Variants in KDM4C observed in about 807,000 individuals in gnomAD.
The protein encoded by KDM4C is lysine-specific demethylase 4C.
In KDM4C, 81 loss-of-function variants were observed where a neutral mutation model predicts 129.3. That is an observed-to-expected ratio of 0.63 (90% CI 0.52 to 0.75). KDM4C has a LOEUF of 0.75. Ranked by LOEUF, KDM4C falls within the 30% of genes least tolerant of loss-of-function variation. KDM4C has a pLI of 0.00. For missense variants in KDM4C, 1,457 were observed against 1,304.0 expected (o/e 1.12, Z -1.81); for synonymous variants, 573 against 456.1 (o/e 1.26, Z -3.26).
intron 8 of KDM4C, among the ~76,000 whole-genome samples, chr9:6,956,959 C>G (rs1306739252): frequency 6.6e-6 from 1 of 152,140 alleles, no homozygotes. Context: ...GAAATAGTGT[C>G]TTACTGGTCA....
At chr9:6,918,390 A>G (rs1196886674) in intron 8 of KDM4C, among the ~76,000 whole-genome samples, 1 of 152,302 alleles carries the variant, frequency 6.6e-6, no homozygotes, top group Middle Eastern at 3.4e-3. Context: ...CATGACGTGT[A>G]TGTACCATAT....
At chr9:6,947,608 A>G (rs181597120) in intron 8 of KDM4C, among the ~76,000 whole-genome samples, 102 of 152,218 alleles carry the variant, frequency 6.7e-4, no homozygotes, top group Non-Finnish European at 1.2e-3. Context: ...TTTTCATTGT[A>G]TGGTATGAGG....
chr9:6,849,737 T>C (rs748325939), intron 5 of KDM4C, 37 bp downstream of exon 5: 9 of 1,481,076 alleles, frequency 6.1e-6, no homozygotes, highest in Non-Finnish European at 8.2e-6. Flanking sequence ...ACTTTGGAGT[T>C]TTGAAATTTG....
chr9:6,750,843 C>G (rs1275617335), intron 1 of KDM4C, among the ~76,000 whole-genome samples: 1 of 152,168 alleles, frequency 6.6e-6, no homozygotes, highest in Admixed American at 6.6e-5. Context: ...GGTTAGCTGA[C>G]AGTTAACTGC....
chr9:7,053,893 A>C (rs1830537311), intron 17 of KDM4C, among the ~76,000 whole-genome samples: 1 of 152,268 alleles, frequency 6.6e-6, no homozygotes, highest in Admixed American at 6.5e-5. Context: ...AGAAATGAAA[A>C]GTTAGCTGAA....
intron 8 of KDM4C, among the ~76,000 whole-genome samples, chr9:6,939,976 A>ACCTTCCTTCCTTCCTTCCTTCCTTCCTT (rs1186438155): frequency 3.2e-5 from 3 of 93,478 alleles, no homozygotes; most frequent in Non-Finnish European, 4.5e-5. Context: ...CTACCTACCT[A>ACCTTCCTTCCTTCCTTCCTTCCTTCCTT]CCTTCCTTCC....
At chr9:6,760,775 T>C (rs1819310126) in intron 1 of KDM4C, among the ~76,000 whole-genome samples, 1 of 151,412 alleles carries the variant, frequency 6.6e-6, no homozygotes, top group African/African-American at 2.4e-5. Context: ...GGTTTCACTG[T>C]GTTAGCCAGG....
intron 18 of KDM4C, among the ~76,000 whole-genome samples, chr9:7,127,043 G>GGATT (rs1389765497): frequency 2.6e-5 from 4 of 152,070 alleles, no homozygotes; most frequent in Admixed American, 2.6e-4. Context: ...ATGGATGGAT[G>GGATT]GATTGATGGA....
intron 17 of KDM4C, among the ~76,000 whole-genome samples, chr9:7,060,292 G>A (rs16925262): frequency 0.095 from 14,268 of 150,656 alleles, 1,171 homozygotes; most frequent in African/African-American, 0.22. Flanking sequence ...TACTGTCTGT[G>A]TACCTTGTTA....
intron 15 of KDM4C, among the ~76,000 whole-genome samples, chr9:7,027,313 A>T (rs1825970801): frequency 6.6e-6 from 1 of 152,204 alleles, no homozygotes; most frequent in Non-Finnish European, 1.5e-5. Flanking sequence ...AAGCTCAGTA[A>T]CACTGTGGTT....
At chr9:6,757,266 T>G (rs1818366253), upstream of KDM4C, among the ~76,000 whole-genome samples, 1 of 152,002 alleles carries the variant, frequency 6.6e-6, no homozygotes, top group South Asian at 2.1e-4. Context: ...CTCTAGTTTC[T>G]GAGGGACCGC....
chr9:7,054,714 A>G (rs148684988), intron 17 of KDM4C, among the ~76,000 whole-genome samples: 16 of 152,338 alleles, frequency 1.1e-4, no homozygotes, highest in Non-Finnish European at 2.2e-4. Context: ...TTTATTGTAT[A>G]CATTGATCAC....
chr9:6,858,817 ATTT>A (rs1342879951), intron 5 of KDM4C, among the ~76,000 whole-genome samples: 10 of 149,274 alleles, frequency 6.7e-5, no homozygotes, highest in Admixed American at 3.3e-4. Context: ...TTAACAAGTT[ATTT>A]TACCCAGCTT....
At chr9:7,023,676 T>G (rs2132280907) in intron 15 of KDM4C, among the ~76,000 whole-genome samples, 1 of 152,274 alleles carries the variant, frequency 6.6e-6, no homozygotes, top group Admixed American at 6.5e-5. Context: ...TCTAATTTTG[T>G]GTTTCGTTTG....
At chr9:6,750,006 A>AG (rs1818016675) in intron 1 of KDM4C, among the ~76,000 whole-genome samples, 1 of 151,354 alleles carries the variant, frequency 6.6e-6, no homozygotes, top group Admixed American at 6.6e-5. Context: ...AAAAAAAAAA[A>AG]AAAAAAAGAG....
At chr9:6,905,237 A>G (rs886381399) in intron 8 of KDM4C, among the ~76,000 whole-genome samples, 8 of 152,232 alleles carry the variant, frequency 5.3e-5, no homozygotes, top group African/African-American at 1.9e-4. Context: ...AGGGATACAC[A>G]TTGGAGGCCG....
chr9:6,838,568 C>G (rs1013067589), intron 4 of KDM4C, among the ~76,000 whole-genome samples: 3 of 152,128 alleles, frequency 2.0e-5, no homozygotes, highest in Non-Finnish European at 2.9e-5. Context: ...CCTTTTTGTA[C>G]TCATATTTGC....
chr9:6,773,519 C>T (rs185917411), intron 1 of KDM4C, among the ~76,000 whole-genome samples: 199 of 152,194 alleles, frequency 1.3e-3, no homozygotes, highest in Admixed American at 2.0e-3. Flanking sequence ...TGCCTGTAAT[C>T]CCAGCACTTT....
intron 5 of KDM4C, among the ~76,000 whole-genome samples, chr9:6,858,382 A>G (rs934188024): frequency 6.6e-6 from 1 of 152,122 alleles, no homozygotes; most frequent in African/African-American, 2.4e-5. Context: ...TACAACATTG[A>G]CATCCCTTCA....
Sources: gnomAD v4.1 joint callset for allele counts (sites outside exome capture counted in the v4.1 genomes callset) on GRCh38, gnomAD v4.1.1 for gene constraint, MANE v1.5 for transcripts, NCBI Gene and HGNC (gene_info 2026-07-23, HGNC 2026-07-21) for gene names.